CHCHD6: variants seen among roughly 807,000 people sequenced by gnomAD.
CHCHD6 encodes the protein coiled-coil-helix-coiled-coil-helix domain containing 6.
CHCHD6 carries 28 observed loss-of-function variants against 32.3 expected under a neutral mutation model. The ratio of observed to expected loss-of-function variants is 0.87; its 90% CI spans 0.64 to 1.19. The LOEUF (loss-of-function observed/expected upper bound fraction) is 1.19. CHCHD6 is among the 50% of genes most tolerant of loss of function. CHCHD6 has a pLI of 0.00. For synonymous variants in CHCHD6, 122 were observed against 117.5 expected, an observed-to-expected ratio of 1.04 and a Z score of -0.25; for missense variants, 333 against 307.0, an observed-to-expected ratio of 1.08 and a Z score of -0.63.
chr3:126,901,308 TG>T (rs1381372127), intron 5 of CHCHD6, among the ~76,000 whole-genome samples: 1 of 152,228 alleles, frequency 6.6e-6, no homozygotes, highest in Non-Finnish European at 1.5e-5. Flanking sequence ...CGGGAGGCGC[TG>T]TCTGTGTCTC....
intron 5 of CHCHD6, among the ~76,000 whole-genome samples, chr3:126,890,109 C>CG (rs1230655675): frequency 6.6e-6 from 1 of 152,222 alleles, no homozygotes; most frequent in Non-Finnish European, 1.5e-5. Flanking sequence ...AGCTCACTGT[C>CG]GGGGCCTTCC....
chr3:126,764,888 T>TACA (rs1219826395), intron 4 of CHCHD6, among the ~76,000 whole-genome samples: 6 of 152,116 alleles, frequency 3.9e-5, no homozygotes, highest in Non-Finnish European at 8.8e-5. Context: ...GACTACTGAT[T>TACA]GAACACAGAA....
intron 6 of CHCHD6, among the ~76,000 whole-genome samples, chr3:126,951,362 T>C (rs1332384349): frequency 6.6e-6 from 1 of 152,192 alleles, no homozygotes; most frequent in Non-Finnish European, 1.5e-5. Flanking sequence ...AAATGAATAC[T>C]GCACAGAATG....
intron 1 of CHCHD6, among the ~76,000 whole-genome samples, chr3:126,706,108 T>G (rs1387579358): frequency 1.3e-5 from 2 of 152,222 alleles, no homozygotes; most frequent in Non-Finnish European, 1.5e-5. Flanking sequence ...TTGGGTGCTC[T>G]CACCCTTGTG....
At chr3:126,748,121 C>T (rs1384773197) in intron 4 of CHCHD6, among the ~76,000 whole-genome samples, 1 of 152,158 alleles carries the variant, frequency 6.6e-6, no homozygotes, top group Non-Finnish European at 1.5e-5. Context: ...TTAGAGCCTG[C>T]TCTGTTACTT....
At chr3:126,849,189 A>AGGCTGCAGGTCGCCAGCCT (rs1476708040) in intron 4 of CHCHD6, among the ~76,000 whole-genome samples, 3 of 152,248 alleles carry the variant, frequency 2.0e-5, no homozygotes, top group Non-Finnish European at 4.4e-5. Context: ...GGAGATCCCT[A>AGGCTGCAGGTCGCCAGCCT]GGCTGCAGGT....
intron 4 of CHCHD6, among the ~76,000 whole-genome samples, chr3:126,826,862 C>T (rs1161895521): frequency 6.6e-6 from 1 of 152,120 alleles, no homozygotes; most frequent in African/African-American, 2.4e-5. Context: ...CAAGATCCAG[C>T]CAGTGACTAC....
intron 6 of CHCHD6, among the ~76,000 whole-genome samples, chr3:126,950,212 C>A (rs1439539052): frequency 6.6e-6 from 1 of 152,026 alleles, no homozygotes; most frequent in Non-Finnish European, 1.5e-5. Flanking sequence ...GGGAAGGCTT[C>A]AGAGAGGCTT....
At chr3:126,775,844 C>T (rs907160969) in intron 4 of CHCHD6, among the ~76,000 whole-genome samples, 1 of 152,166 alleles carries the variant, frequency 6.6e-6, no homozygotes. Context: ...TAAAGGAACC[C>T]TGCTGGGGTC....
At chr3:126,815,243 C>T (rs935358957) in intron 4 of CHCHD6, among the ~76,000 whole-genome samples, 11 of 152,168 alleles carry the variant, frequency 7.2e-5, no homozygotes, top group African/African-American at 2.7e-4. Flanking sequence ...TTATTATTTC[C>T]TACCTGATCC....
At chr3:126,956,760 A>G (rs974665961) in intron 6 of CHCHD6, among the ~76,000 whole-genome samples, 2 of 152,228 alleles carry the variant, frequency 1.3e-5, no homozygotes, top group Non-Finnish European at 2.9e-5. Flanking sequence ...TGTGGGTTCT[A>G]AAACTACTTT....
At chr3:126,738,279 T>C (rs909791527) in intron 4 of CHCHD6, among the ~76,000 whole-genome samples, 1 of 152,206 alleles carries the variant, frequency 6.6e-6, no homozygotes, top group African/African-American at 2.4e-5. Flanking sequence ...TACAGAGGGC[T>C]CACTGTACTA....
intron 5 of CHCHD6, among the ~76,000 whole-genome samples, chr3:126,909,841 G>T (rs966850203): frequency 1.3e-5 from 2 of 152,172 alleles, no homozygotes; most frequent in Non-Finnish European, 2.9e-5. Flanking sequence ...TCTCTCAGTG[G>T]GCAGCAGGGC....
At chr3:126,926,719 G>T (rs2078329177) in intron 6 of CHCHD6, among the ~76,000 whole-genome samples, 1 of 152,208 alleles carries the variant, frequency 6.6e-6, no homozygotes, top group Non-Finnish European at 1.5e-5. Flanking sequence ...GATTCATCCT[G>T]CAGGCAGTGG....
chr3:126,738,588 G>C (rs988135407), intron 4 of CHCHD6, among the ~76,000 whole-genome samples: 1 of 152,182 alleles, frequency 6.6e-6, no homozygotes, highest in Non-Finnish European at 1.5e-5. Flanking sequence ...ATTCTAGACA[G>C]GCAGTGAATG....
intron 5 of CHCHD6, among the ~76,000 whole-genome samples, chr3:126,865,293 C>T (rs1942252178): frequency 6.6e-6 from 1 of 151,712 alleles, no homozygotes; most frequent in Non-Finnish European, 1.5e-5. Context: ...TTCCAGCCAC[C>T]TCCATTACCA....
At chr3:126,864,693 C>T (rs1942177420) in intron 5 of CHCHD6, among the ~76,000 whole-genome samples, 1 of 150,870 alleles carries the variant, frequency 6.6e-6, no homozygotes, top group Non-Finnish European at 1.5e-5. Flanking sequence ...CCTCCTCCTC[C>T]ACCATCATCT....
chr3:126,953,177 T>A, intron 6 of CHCHD6: 1 of 978,714 alleles, frequency 1.0e-6, no homozygotes, highest in Non-Finnish European at 1.2e-6. Context: ...GCCAGCGCCT[T>A]GCCCCAGGTT....
At chr3:126,767,594 A>C in intron 4 of CHCHD6, 1 of 345,228 alleles carries the variant, frequency 2.9e-6, no homozygotes, top group Non-Finnish European at 5.3e-6. Context: ...ATTTCTATTT[A>C]TTTATTTTCA....
Sources: gnomAD v4.1 joint callset for allele counts (sites outside exome capture counted in the v4.1 genomes callset) on GRCh38, gnomAD v4.1.1 for gene constraint, MANE v1.5 for transcripts, NCBI Gene and HGNC (gene_info 2026-07-23, HGNC 2026-07-21) for gene names.